IFT74: variants seen among roughly 807,000 people sequenced by gnomAD.
The protein encoded by IFT74 is intraflagellar transport 74, also known as intraflagellar transport protein 74 homolog.
In IFT74, 92 loss-of-function variants were observed where a neutral mutation model predicts 96.7. The observed-to-expected ratio is 0.95, with a 90% CI of 0.80 to 1.13. IFT74 has a LOEUF of 1.13. IFT74 is among the 50% of genes most tolerant of loss of function. The pLI is 0.00. For missense variants in IFT74, 811 were observed against 698.2 expected, an observed-to-expected ratio of 1.16 and a Z score of -1.82; for synonymous variants, 223 against 213.2, an observed-to-expected ratio of 1.05 and a Z score of -0.40.
chr9:27,036,083 G>A (rs1204795007), intron 13 of IFT74, among the ~76,000 whole-genome samples: 1 of 152,200 alleles, frequency 6.6e-6, no homozygotes, highest in Non-Finnish European at 1.5e-5. Context: ...AAAAGAAAAT[G>A]TTATTAAGAG....
chr9:26,980,653 T>G (rs755893453), intron 4 of IFT74, 34 bp downstream of exon 4: 1 of 1,361,078 alleles, frequency 7.3e-7, no homozygotes, highest in Admixed American at 1.8e-5. Flanking sequence ...CCGTATGTTT[T>G]ACTCGAAATA....
rs1587238431 is a variant in IFT74, at chr9:26,962,474, T to G, written c.120+387T>G. ...GTTGAATAGTGTATTGGGGCCAGAA[T>G]AAAATGAAATGGAATAGACCTCAAA... is the stretch of plus-strand genomic sequence containing the variant. On this transcript the variant is annotated intron_variant, in intron 2 of 19. Coordinates refer to ENST00000380062, the MANE Select transcript of IFT74 (RefSeq NM_025103.4). Among the ~76,000 whole-genome samples, 3 of 152,304 alleles carry G rather than the reference T, an allele frequency of 2.0e-5. No homozygotes were observed. In the South Asian group the frequency reaches 6.2e-4, roughly 32 times the overall value.
Position 27,055,654 on chromosome 9 carries a change from AAAGT to A in IFT74, c.1383_1386del (p.Ser461ArgfsTer2). On this transcript the variant is annotated frameshift_variant, in exon 17 of 20. Coordinates refer to ENST00000380062, the MANE Select transcript of IFT74 (RefSeq NM_025103.4). LOFTEE classifies it high-confidence loss of function. The stretch of plus-strand genomic sequence containing the variant: ...GATCTGCAGAAAATGGAGCTTCTAG[AAAGT>A]AAGATGACTGAAGAACAGCATTCTC... 1 of 1,590,236 alleles carries A rather than the reference AAAGT, an allele frequency of 6.3e-7. No individual in the cohort carries two copies. The highest frequency in any genetic ancestry group is 8.5e-7 in the Non-Finnish European group (1 of 1,171,414).
intron 2 of IFT74, 148 bp downstream of exon 2, chr9:26,962,235 C>A: frequency 1.5e-6 from 1 of 646,972 alleles, no homozygotes; most frequent in Non-Finnish European, 2.6e-6. Flanking sequence ...CTGTTGAATG[C>A]TTGTGCATAT....
intron 17 of IFT74, 55 bp downstream of exon 17, chr9:27,055,827 C>T (rs1820137202): frequency 1.8e-6 from 2 of 1,129,050 alleles, no homozygotes; most frequent in East Asian, 5.6e-5. Context: ...TTTTCTTGAT[C>T]AAATGTAATA....
Position 27,020,632 on chromosome 9 carries a change from G to A in IFT74, c.974+1945G>A, listed in dbSNP as rs918925933. 5.3e-5 allele frequency among the ~76,000 whole-genome samples: 8 copies of A among 151,706 alleles called. No individual in the cohort carries two copies. In the East Asian group the frequency reaches 7.7e-4, roughly 15 times the overall value. ...TGGGACTACAGGCGCCCGCCACTGC[G>A]CCTGGCTAATTTTTTGTATTTTTAG... On this transcript the variant is annotated intron_variant, in intron 12 of 19. Transcript: ENST00000380062.
intron 10 of IFT74, among the ~76,000 whole-genome samples, chr9:27,013,141 G>A (rs1263856436): frequency 6.6e-6 from 1 of 152,132 alleles, no homozygotes; most frequent in Non-Finnish European, 1.5e-5. Flanking sequence ...ATCCCCACAA[G>A]AGTCCTAAAT....
chr9:26,973,403 G>A (rs1826963110), intron 2 of IFT74, among the ~76,000 whole-genome samples: 1 of 152,174 alleles, frequency 6.6e-6, no homozygotes, highest in South Asian at 2.1e-4. Flanking sequence ...CCTTCGAAGG[G>A]AATGGGGTAT....
At chr9:26,950,237 G>T (rs936649862) in intron 1 of IFT74, among the ~76,000 whole-genome samples, 11 of 151,936 alleles carry the variant, frequency 7.2e-5, no homozygotes, top group African/African-American at 2.7e-4. Flanking sequence ...ACTTGAACCC[G>T]GGAGGGGGAG....
At chr9:26,990,232 A>T (rs757606091) in intron 8 of IFT74, 37 bp downstream of exon 8, 3 of 1,074,324 alleles carry the variant, frequency 2.8e-6, no homozygotes, top group Non-Finnish European at 3.9e-6. Flanking sequence ...ATTCATAAGT[A>T]AGCTTTATTA....
chr9:27,062,370 A>C (rs1820465374), intron 19 of IFT74, among the ~76,000 whole-genome samples: 1 of 152,214 alleles, frequency 6.6e-6, no homozygotes, highest in Admixed American at 6.5e-5. Flanking sequence ...AATTAGATTA[A>C]AAATGCATAA....
At chr9:27,007,923 G>C (rs60106601) in intron 8 of IFT74, among the ~76,000 whole-genome samples, 1,916 of 152,194 alleles carry the variant, frequency 0.013, 38 homozygotes, top group African/African-American at 0.044. Flanking sequence ...TTTTTTCAGA[G>C]TTTTTCTCTA....
Position 27,039,925 on chromosome 9 carries a change from A to G in IFT74, c.1055-4817A>G, listed in dbSNP as rs112855363. Among the ~76,000 whole-genome samples the G allele has an allele frequency of 8.5e-5, 13 of 152,330 alleles. 2 individuals are homozygous for G. The highest frequency in any genetic ancestry group is 3.1e-4 in the African/African-American group (13 of 41,576). Reference sequence around the variant, plus strand: ...TGTGAAAAGTAGATGGGAGAGATAGACTGAATGCAAAAAGATGGAATTTTA... The same window carrying G: ...TGTGAAAAGTAGATGGGAGAGATAGGCTGAATGCAAAAAGATGGAATTTTA... On this transcript the variant is annotated intron_variant, in intron 13 of 19. Coordinates refer to ENST00000380062, the MANE Select transcript of IFT74 (RefSeq NM_025103.4).
intron 18 of IFT74, among the ~76,000 whole-genome samples, chr9:27,058,360 A>G (rs1187605358): frequency 6.6e-6 from 1 of 152,118 alleles, no homozygotes; most frequent in African/African-American, 2.4e-5. Context: ...AAGTGCTGGG[A>G]TCACAGGCAT....
chr9:27,036,734 C>A, intron 13 of IFT74: 1 of 1,273,116 alleles, frequency 7.9e-7, no homozygotes, highest in Non-Finnish European at 9.9e-7. Context: ...AAATCCCTTA[C>A]AGACTAAGAG....
chr9:26,960,145 G>A (rs1236892693), intron 1 of IFT74, among the ~76,000 whole-genome samples: 1 of 151,946 alleles, frequency 6.6e-6, no homozygotes, highest in Non-Finnish European at 1.5e-5. Flanking sequence ...AACGTAAATG[G>A]CATGGCTCAG....
chr9:26,980,645 G>C (rs113024225), intron 4 of IFT74, 26 bp downstream of exon 4: 1 of 1,470,538 alleles, frequency 6.8e-7, no homozygotes, highest in South Asian at 1.2e-5. Flanking sequence ...CTTTTCATCC[G>C]TATGTTTTAC....
At chr9:27,047,829 T>C (rs575013143) in intron 15 of IFT74, among the ~76,000 whole-genome samples, 2 of 152,310 alleles carry the variant, frequency 1.3e-5, no homozygotes, top group African/African-American at 4.8e-5. Context: ...TGGGCATCTA[T>C]TATGAAATGC....
chr9:27,039,373 G>A (rs1563995296), intron 13 of IFT74, among the ~76,000 whole-genome samples: 1 of 152,000 alleles, frequency 6.6e-6, no homozygotes, highest in Non-Finnish European at 1.5e-5. Flanking sequence ...ACTCTTTCAG[G>A]TCATTAAATG....
Sources: gnomAD v4.1 joint callset for allele counts (sites outside exome capture counted in the v4.1 genomes callset) on GRCh38, gnomAD v4.1.1 for gene constraint, MANE v1.5 for transcripts, NCBI Gene and HGNC (gene_info 2026-07-23, HGNC 2026-07-21) for gene names.